The following DENND1B variants were observed in gnomAD, a reference collection of about 807,000 sequenced individuals.
DENND1B encodes the protein DENN domain containing 1B.
Under a neutral mutation model 90.1 loss-of-function variants are expected in DENND1B, and 59 were observed. The observed-to-expected ratio is 0.65, with a 90% CI of 0.53 to 0.81. The LOEUF (loss-of-function observed/expected upper bound fraction) is 0.81. Among genes scored for constraint, DENND1B ranks in the 40% least tolerant of loss-of-function variants. The probability of loss-of-function intolerance (pLI) is 0.00; values close to 1 mark genes in which losing one functional copy is unlikely to be tolerated. For synonymous variants in DENND1B, 337 were observed against 324.6 expected (o/e 1.04, Z -0.41); for missense variants, 862 against 912.6 (o/e 0.94, Z 0.71).
chr1:197,697,634 G>A (rs1485806716), intron 3 of DENND1B, among the ~76,000 whole-genome samples: 1 of 151,536 alleles, frequency 6.6e-6, no homozygotes, highest in Non-Finnish European at 1.5e-5. Flanking sequence ...AACACAAATT[G>A]GATAGTCAAG....
intron 10 of DENND1B, among the ~76,000 whole-genome samples, chr1:197,624,846 A>G (rs1256418908): frequency 2.0e-5 from 3 of 151,932 alleles, no homozygotes; most frequent in African/African-American, 7.2e-5. Flanking sequence ...CTGAAAGCCA[A>G]GGCTCGAGAA....
chr1:197,553,121 A>T lies in DENND1B; in HGVS notation c.1150-9T>A, dbSNP rs1276398083. The T allele has an allele frequency of 1.3e-6, 2 of 1,525,046 alleles. No individual in the cohort carries two copies. The highest frequency in any genetic ancestry group is 1.4e-5 in the African/African-American group (1 of 70,452). The allele number at this position is 1,525,046 out of a possible 1,614,324, so 94.5% of individuals were successfully genotyped here. ...AGTCGACCATCGATAAACTAGAATT[A>T]AAAAGTGTCAAATAAAATGTATCAA... On this transcript the variant is annotated splice_polypyrimidine_tract_variant and intron_variant, in intron 15 of 22. Transcript: ENST00000620048.
chr1:197,778,725 C>A (rs1657358123), upstream of DENND1B, among the ~76,000 whole-genome samples: 1 of 151,434 alleles, frequency 6.6e-6, no homozygotes, highest in East Asian at 1.9e-4. Flanking sequence ...AAATTTAAAT[C>A]TATTTCTGCC....
chr1:197,691,248 ATAACT>A (rs1657840114), intron 3 of DENND1B, among the ~76,000 whole-genome samples: 2 of 151,458 alleles, frequency 1.3e-5, no homozygotes, highest in African/African-American at 4.9e-5. Flanking sequence ...AGGAACTCCT[ATAACT>A]TAACAGCAAA....
chr1:197,731,247 T>C (rs1387097526), intron 2 of DENND1B, among the ~76,000 whole-genome samples: 1 of 152,060 alleles, frequency 6.6e-6, no homozygotes, highest in East Asian at 1.9e-4. Flanking sequence ...ATCACACATT[T>C]AGAAAAATAA....
At chr1:197,682,734 G>A (rs1656823217) in intron 3 of DENND1B, among the ~76,000 whole-genome samples, 1 of 152,138 alleles carries the variant, frequency 6.6e-6, no homozygotes, top group Non-Finnish European at 1.5e-5. Flanking sequence ...AGGGGAAGTA[G>A]GGGTGGTCCT....
intron 20 of DENND1B, among the ~76,000 whole-genome samples, chr1:197,529,196 TAA>T (rs1669374397): frequency 8.3e-6 from 1 of 120,436 alleles, no homozygotes; most frequent in South Asian, 2.9e-4. Flanking sequence ...ATGAAATAGT[TAA>T]GAGTGATATA....
At chr1:197,739,950 C>G (rs1403554718) in intron 2 of DENND1B, among the ~76,000 whole-genome samples, 1 of 152,188 alleles carries the variant, frequency 6.6e-6, no homozygotes, top group Non-Finnish European at 1.5e-5. Context: ...ATATTCTTAA[C>G]AGTTCCTTTC....
At chr1:197,546,110 T>A in intron 17 of DENND1B, 120 bp from the exon 18 acceptor site, 1 of 615,590 alleles carries the variant, frequency 1.6e-6, no homozygotes, top group Non-Finnish European at 2.5e-6. Context: ...TAAAGACCTA[T>A]ACAAATTATT....
chr1:197,589,207 T>C (rs1301466715), intron 14 of DENND1B, among the ~76,000 whole-genome samples: 1 of 152,122 alleles, frequency 6.6e-6, no homozygotes, highest in Non-Finnish European at 1.5e-5. Flanking sequence ...ATAAAACATA[T>C]CAGTGATATA....
At chr1:197,553,180 A>T (rs778886472) in intron 15 of DENND1B, 68 bp from the exon 16 acceptor site, 1 of 1,297,278 alleles carries the variant, frequency 7.7e-7, no homozygotes, top group Non-Finnish European at 1.0e-6. Flanking sequence ...TTAATTTTTC[A>T]TTTTATAAGG....
chr1:197,650,130 A>G (rs1361263580), intron 7 of DENND1B, among the ~76,000 whole-genome samples: 1 of 152,244 alleles, frequency 6.6e-6, no homozygotes. Context: ...AATCAGGGAA[A>G]TGCAACTCAA....
At chr1:197,619,018 A>G (rs561603652) in intron 10 of DENND1B, among the ~76,000 whole-genome samples, 1 of 151,314 alleles carries the variant, frequency 6.6e-6, no homozygotes, top group East Asian at 2.0e-4. Context: ...TTCAAAGTAT[A>G]TGCATCTTTG....
At chr1:197,655,821 C>T (rs191088986) in intron 6 of DENND1B, among the ~76,000 whole-genome samples, 46 of 152,214 alleles carry the variant, frequency 3.0e-4, no homozygotes, top group South Asian at 1.5e-3. Flanking sequence ...TGTGAGCCAC[C>T]GCGCCCGGCC....
chr1:197,746,969 C>G, intron 2 of DENND1B: 1 of 1,125,326 alleles, frequency 8.9e-7, no homozygotes, highest in Non-Finnish European at 1.4e-6. Flanking sequence ...CACCCCTCCA[C>G]AGCCTGGTCT....
intron 14 of DENND1B, among the ~76,000 whole-genome samples, chr1:197,592,869 G>C (rs1416186904): frequency 6.6e-6 from 1 of 152,088 alleles, no homozygotes; most frequent in African/African-American, 2.4e-5. Flanking sequence ...ATTTTAAAAA[G>C]TAATGTCTAG....
At chr1:197,641,825 T>C (rs1485200666) in intron 10 of DENND1B, among the ~76,000 whole-genome samples, 3 of 152,120 alleles carry the variant, frequency 2.0e-5, no homozygotes, top group Non-Finnish European at 2.9e-5. Context: ...TGAAACTCCT[T>C]CTACTTTAAA....
intron 18 of DENND1B, among the ~76,000 whole-genome samples, chr1:197,545,055 A>AGAAGGAGAAGGAGAAGG (rs1401718247): frequency 4.1e-3 from 53 of 12,928 alleles, no homozygotes; most frequent in East Asian, 0.02. Context: ...GAAGGAGAAG[A>AGAAGGAGAAGGAGAAGG]AGAAGAAGAA....
At chr1:197,756,243 C>A (rs10922273) in intron 2 of DENND1B, among the ~76,000 whole-genome samples, 3 of 152,032 alleles carry the variant, frequency 2.0e-5, no homozygotes, top group Non-Finnish European at 4.4e-5. Flanking sequence ...CCAGGCCAGA[C>A]GCTGTTTGTT....
Sources: allele counts gnomAD v4.1 joint callset (sites outside exome capture counted in the v4.1 genomes callset), GRCh38; gene constraint gnomAD v4.1.1; transcripts MANE v1.5; gene names NCBI Gene and HGNC (gene_info 2026-07-23, HGNC 2026-07-21).